NHSL2: variants seen among roughly 807,000 people sequenced by gnomAD.
NHSL2 encodes NHS like 2.
A neutral mutation model predicts 53.4 loss-of-function variants in NHSL2; 27 were observed. That is an observed-to-expected ratio of 0.51 (90% CI 0.37 to 0.70). The LOEUF (loss-of-function observed/expected upper bound fraction) is 0.70, where lower values mean the gene tolerates loss of function less well. NHSL2 is among the 30% of genes least tolerant of loss of function. The pLI, the probability that NHSL2 is intolerant of heterozygous loss-of-function variation, is 0.00. For synonymous variants in NHSL2, 408 were observed against 404.1 expected (o/e 1.01, Z -0.12); for missense variants, 892 against 980.1 (o/e 0.91, Z 1.20).
intron 1 of NHSL2, among the ~76,000 whole-genome samples, chrX:72,046,570 A>G (rs1294321661): frequency 1.8e-5 from 2 of 112,173 alleles, no homozygotes; most frequent in Non-Finnish European, 3.8e-5. Context: ...TCCTGTGGTT[A>G]CTAATGCAGA....
intron 1 of NHSL2, among the ~76,000 whole-genome samples, chrX:72,012,338 A>G (rs2042119451): frequency 8.9e-6 from 1 of 111,950 alleles, no homozygotes; most frequent in Non-Finnish European, 1.9e-5. Flanking sequence ...GTAACAAGTA[A>G]CTGTAAACTT....
intron 1 of NHSL2, chrX:72,130,908 GCTT>G (rs2042286935): frequency 8.3e-7 from 1 of 1,211,910 alleles, no homozygotes; most frequent in Non-Finnish European, 1.1e-6. Flanking sequence ...CATGCAAGGG[GCTT>G]CCTTCCTGGG....
chrX:71,982,028 A>C (rs1245338643), intron 1 of NHSL2, among the ~76,000 whole-genome samples: 1 of 112,513 alleles, frequency 8.9e-6, no homozygotes, highest in African/African-American at 3.2e-5. Context: ...AAGCTTGTAC[A>C]TAAATGTTCA....
At chrX:71,931,772 C>T (rs975411564) in intron 1 of NHSL2, among the ~76,000 whole-genome samples, 2 of 112,564 alleles carry the variant, frequency 1.8e-5, no homozygotes, top group African/African-American at 6.5e-5. Context: ...ACTTTGATTG[C>T]TTTAATTACT....
intron 1 of NHSL2, among the ~76,000 whole-genome samples, chrX:71,969,344 G>T (rs764458257): frequency 1.2e-5 from 1 of 82,982 alleles, no homozygotes; most frequent in Non-Finnish European, 2.2e-5. Context: ...AGACAGTCTC[G>T]CTCTGTTGCC....
chrX:72,122,186 G>A (rs2042187089), intron 1 of NHSL2, among the ~76,000 whole-genome samples: 1 of 111,922 alleles, frequency 8.9e-6, no homozygotes, highest in South Asian at 3.7e-4. Flanking sequence ...TACCAAAAGC[G>A]TCCATTACCT....
intron 1 of NHSL2, among the ~76,000 whole-genome samples, chrX:72,006,482 C>T (rs1829940578): frequency 8.9e-6 from 1 of 112,363 alleles, no homozygotes; most frequent in Non-Finnish European, 1.9e-5. Context: ...GGAAAAATCT[C>T]ACTCAGGCAT....
intron 3 of NHSL2, 54 bp from the exon 4 acceptor site, chrX:72,134,455 C>T (rs1011338006): frequency 1.9e-6 from 2 of 1,034,320 alleles, no homozygotes; most frequent in African/African-American, 3.7e-5. Context: ...CCTATGGGCA[C>T]TGGCTCATTG....
intron 3 of NHSL2, 30 bp from the exon 4 acceptor site, chrX:72,134,479 C>G: frequency 8.9e-7 from 1 of 1,123,085 alleles, no homozygotes; most frequent in African/African-American, 1.8e-5. Flanking sequence ...GGCAGGAATA[C>G]ACCCTTTCCA....
At chrX:71,963,198 A>G (rs1297707068) in intron 1 of NHSL2, among the ~76,000 whole-genome samples, 3 of 110,772 alleles carry the variant, frequency 2.7e-5, no homozygotes, top group Non-Finnish European at 5.7e-5. Context: ...GGTTCTGTCC[A>G]TTATTGAAAG....
chrX:71,970,663 C>A (rs2041921504), intron 1 of NHSL2, among the ~76,000 whole-genome samples: 1 of 99,263 alleles, frequency 1.0e-5, no homozygotes, highest in Non-Finnish European at 2.1e-5. Context: ...CTTTTGGTTT[C>A]TTTAATTTTC....
At chrX:72,137,484 A>G (rs933408799) in intron 5 of NHSL2, among the ~76,000 whole-genome samples, 1 of 112,567 alleles carries the variant, frequency 8.9e-6, no homozygotes, top group Non-Finnish European at 1.9e-5. Context: ...ATGTAATACA[A>G]CCAGATATGC....
chrX:72,087,182 G>C (rs993091004), intron 1 of NHSL2, among the ~76,000 whole-genome samples: 2 of 112,543 alleles, frequency 1.8e-5, no homozygotes, highest in African/African-American at 3.2e-5. Flanking sequence ...ACCAAAAAAA[G>C]GAATGAAGTT....
Position 72,140,748 on chromosome X carries a change from G to C in NHSL2, c.3200G>C (p.Ser1067Thr), listed in dbSNP as rs202076829. 1.5e-5 allele frequency: 18 copies of C among 1,182,564 alleles called. No homozygotes were observed. The highest frequency in any genetic ancestry group is 2.4e-5 in the Admixed American group (1 of 42,292). Residue 1067 changes from serine (S) to threonine (T), a missense_variant, in exon 6 of 8, where the codon AGT (serine) becomes ACT (threonine). Physicochemically the swap from Ser to Thr is moderately conservative, Grantham distance 58 (BLOSUM62 1). Transcript: ENST00000633930. ...QRVTSTPQAD[S>T]EREASPLGSS... The stretch of plus-strand genomic sequence containing the variant: ...GTGACTTCAACTCCTCAGGCTGACA[G>C]TGAAAGGGAGGCAAGCCCTCTGGGT...
In NHSL2 at chrX:71,912,633, A is replaced by C. The variant is rs187061480; in HGVS notation, c.280+1266A>C. On this transcript the variant is annotated intron_variant, in intron 1 of 7. Coordinates refer to ENST00000633930, the MANE Select transcript of NHSL2 (RefSeq NM_001013627.3). ...CAGAGGTCTCTGGTGGAGATAAATG[A>C]ACTGAGTCCTATTGGAAAAGAAAGG... 4.9e-3 allele frequency among the ~76,000 whole-genome samples: 538 copies of C among 110,810 alleles called. 4 individuals are homozygous for C. The highest frequency in any genetic ancestry group is 0.017 in the African/African-American group (522 of 30,424).
At chrX:72,136,060 C>A (rs2042353360) in intron 4 of NHSL2, among the ~76,000 whole-genome samples, 1 of 110,749 alleles carries the variant, frequency 9.0e-6, no homozygotes, top group Non-Finnish European at 1.9e-5. Flanking sequence ...TGTCTGTCTT[C>A]CTCTCAATGA....
Position 72,118,511 on chromosome X carries a change from G to A in NHSL2, c.281-13568G>A, listed in dbSNP as rs770786864. ...GACCATCATGGCTCACCGTAGCCTC[G>A]AACTCTTGGGCTCAAGCAATCCTCT... On this transcript the variant is annotated intron_variant, in intron 1 of 7. Transcript: ENST00000633930. Among the ~76,000 whole-genome samples the A allele has an allele frequency of 4.5e-5, 5 of 111,292 alleles. No homozygotes were observed. The East Asian group carries it at 1.1e-3, about 25-fold the overall frequency.
intron 1 of NHSL2, among the ~76,000 whole-genome samples, chrX:72,000,919 T>C (rs1006249621): frequency 2.5e-4 from 28 of 112,560 alleles, no homozygotes; most frequent in Non-Finnish European, 4.7e-4. Context: ...GGTTAGGATG[T>C]GGACATCGTT....
intron 1 of NHSL2, among the ~76,000 whole-genome samples, chrX:72,016,363 G>T (rs763830473): frequency 1.8e-5 from 2 of 111,896 alleles, no homozygotes; most frequent in East Asian, 5.5e-4. Flanking sequence ...GCCACACCCT[G>T]TTAATTACTG....
Sources: gnomAD v4.1 joint callset for allele counts (sites outside exome capture counted in the v4.1 genomes callset) on GRCh38, gnomAD v4.1.1 for gene constraint, MANE v1.5 for transcripts, NCBI Gene and HGNC (gene_info 2026-07-23, HGNC 2026-07-21) for gene names.